Variants in CAPN5 observed in about 807,000 individuals in gnomAD.
The protein encoded by CAPN5 is calpain 5.
A neutral mutation model predicts 73.0 loss-of-function variants in CAPN5; 54 were observed. That is an observed-to-expected ratio of 0.74 (90% CI 0.59 to 0.93). The LOEUF (loss-of-function observed/expected upper bound fraction) is 0.93, where lower values mean the gene tolerates loss of function less well. CAPN5 is among the 40% of genes least tolerant of loss of function. The pLI is 0.00. For synonymous variants in CAPN5, 335 were observed against 356.9 expected, an observed-to-expected ratio of 0.94 and a Z score of 0.69; for missense variants, 785 against 882.9, an observed-to-expected ratio of 0.89 and a Z score of 1.41.
intron 3 of CAPN5, among the ~76,000 whole-genome samples, chr11:77,110,647 G>A (rs1482117765): frequency 6.6e-6 from 1 of 152,222 alleles, no homozygotes; most frequent in African/African-American, 2.4e-5. Context: ...AGTGTGAGCA[G>A]CCTGGCCCTG....
Position 77,126,085 on chromosome 11 carries a change from C to G in CAPN5, c.*2215C>G, listed in dbSNP as rs782161613. On this transcript the variant is annotated 3_prime_UTR_variant, in exon 13 of 13. Transcript: ENST00000648180. ...ACCCAGACCTAGGCTTCCCTCTTCT[C>G]AGGATCCACCACAGGGTTAGGGGAC... is the stretch of plus-strand genomic sequence containing the variant. 1.3e-5 allele frequency: 2 copies of G among 152,240 alleles called. No individual in the cohort carries two copies. Among genetic ancestry groups the G allele is most frequent in the Non-Finnish European group, 2.9e-5 (2 of 68,036 alleles). The allele number at this position is 152,240 out of a possible 1,614,324, so 9.4% of individuals were successfully genotyped here.
At chr11:77,087,810 T>A in intron 2 of CAPN5, 1 of 1,243,428 alleles carries the variant, frequency 8.0e-7, no homozygotes, top group Admixed American at 2.4e-5. Context: ...AGAGCCACCT[T>A]GGTTGGGACA....
intron 3 of CAPN5, among the ~76,000 whole-genome samples, chr11:77,100,413 G>A (rs1023019296): frequency 7.2e-6 from 1 of 138,310 alleles, no homozygotes. Flanking sequence ...GGCTCCCACC[G>A]CTCGTCCCTC....
chr11:77,102,111 G>T (rs1467067198), intron 3 of CAPN5, among the ~76,000 whole-genome samples: 3 of 152,204 alleles, frequency 2.0e-5, no homozygotes, highest in Non-Finnish European at 4.4e-5. Context: ...CAGGAGTTCT[G>T]GGAGGGGGTC....
Position 77,126,145 on chromosome 11 carries a change from A to G in CAPN5, c.*2275A>G, listed in dbSNP as rs1950575344. ...GTTCTATTCTCAATAAATCTTACAA[A>G]ATTCCAAAAAGACTTTCCTGTGTCC... On this transcript the variant is annotated 3_prime_UTR_variant, in exon 13 of 13. Coordinates refer to ENST00000648180, the MANE Select transcript of CAPN5 (RefSeq NM_004055.5). 6.6e-6 allele frequency: 1 copy of G among 152,132 alleles called. No individual in the cohort carries two copies. The highest frequency in any genetic ancestry group is 2.1e-4 in the South Asian group (1 of 4,824). The allele number at this position is 152,132 out of a possible 1,614,324, so 9.4% of individuals were successfully genotyped here.
Position 77,123,920 on chromosome 11 carries a change from C to T in CAPN5, c.*50C>T, listed in dbSNP as rs782669676. On this transcript the variant is annotated 3_prime_UTR_variant, in exon 13 of 13. Transcript: ENST00000648180. ...ACCGTTCCCACCACCATCTGCATGT[C>T]CCCACTGGGCCTGAGTCTAGCCTGG... is the stretch of plus-strand genomic sequence containing the variant. The T allele has an allele frequency of 6.4e-6, 10 of 1,551,758 alleles. No homozygotes were observed. The African/African-American group carries it at 1.4e-4, about 21-fold the overall frequency.
At chr11:77,097,296 T>C (rs1207882923) in intron 3 of CAPN5, among the ~76,000 whole-genome samples, 1 of 152,036 alleles carries the variant, frequency 6.6e-6, no homozygotes, top group African/African-American at 2.4e-5. Context: ...TCTTTAGTTA[T>C]CAAGCAGTTC....
At chr11:77,119,851 G>A (rs1318397052) in intron 9 of CAPN5, 1 of 152,514 alleles carries the variant, frequency 6.6e-6, no homozygotes, top group Non-Finnish European at 1.5e-5. Flanking sequence ...ACATATTGTT[G>A]TGACTTTGCC....
chr11:77,109,356 G>A (rs1391355255), intron 3 of CAPN5, among the ~76,000 whole-genome samples: 1 of 152,010 alleles, frequency 6.6e-6, no homozygotes, highest in African/African-American at 2.4e-5. Context: ...ACAGAGACAG[G>A]ATAAATTTCC....
At chr11:77,093,311 G>C (rs1950169906) in intron 2 of CAPN5, among the ~76,000 whole-genome samples, 1 of 152,234 alleles carries the variant, frequency 6.6e-6, no homozygotes, top group Non-Finnish European at 1.5e-5. Context: ...GGCTGCTGGT[G>C]CTAGAGAAGG....
At position 77,115,625 on chromosome 11, in the gene CAPN5, G is replaced by T. The variant is rs539126630; in HGVS notation, c.893+37G>T. On this transcript the variant is annotated intron_variant, in intron 6 of 12. Transcript: ENST00000648180. ...GGATGGGGGTGCAGGCACAGGGCAT[G>T]AGGGCTTGGACAAGGACGGGTGGGC... is the stretch of plus-strand genomic sequence containing the variant. 41 of 1,564,972 alleles carry T rather than the reference G, an allele frequency of 2.6e-5. No homozygotes were observed. The East Asian group carries it at 8.4e-4, about 32-fold the overall frequency.
At chr11:77,120,078 T>C (rs1405075543) in intron 9 of CAPN5, 3 of 152,260 alleles carry the variant, frequency 2.0e-5, no homozygotes, top group Non-Finnish European at 4.4e-5. Flanking sequence ...CAGAGGGTCT[T>C]GCTCTGTAAC....
At chr11:77,116,494 A>G (rs1233776196) in intron 7 of CAPN5, among the ~76,000 whole-genome samples, 191 bp downstream of exon 7, 1 of 152,192 alleles carries the variant, frequency 6.6e-6, no homozygotes, top group Non-Finnish European at 1.5e-5. Flanking sequence ...GGGCAGTACC[A>G]GGCCCTTTCA....
intron 1 of CAPN5, among the ~76,000 whole-genome samples, chr11:77,082,510 T>C (rs1950037961): frequency 6.6e-6 from 1 of 151,998 alleles, no homozygotes; most frequent in African/African-American, 2.4e-5. Flanking sequence ...ATAGATACAG[T>C]GGGAGGTGAC....
rs782653010 is a variant in CAPN5, at chr11:77,122,650, C to G, written c.1678C>G (p.Pro560Ala). 1 of 1,613,906 alleles carries G rather than the reference C, an allele frequency of 6.2e-7. No homozygotes were observed. Among genetic ancestry groups the G allele is most frequent in the East Asian group, 2.2e-5 (1 of 44,874 alleles). ...GGCTGTGCAGAAGGGCACCTCCACACCAGAGTACAATGTGAAAGGCATCTT... is the reference window on the plus strand; with the variant it reads ...GGCTGTGCAGAAGGGCACCTCCACAGCAGAGTACAATGTGAAAGGCATCTT... The part of the protein sequence containing the change: ...RSAVQKGTST[P>A]EYNVKGIFYR... Residue 560 changes from proline to alanine, a missense_variant, in exon 12 of 13, where the codon CCA becomes GCA. Coordinates refer to ENST00000648180, the MANE Select transcript of CAPN5 (RefSeq NM_004055.5).
rs782493999 is a variant in CAPN5, at chr11:77,119,046, A to G, written c.1184A>G (p.Lys395Arg). 48 of 1,613,758 alleles carry G rather than the reference A, an allele frequency of 3.0e-5. No individual in the cohort carries two copies. In the South Asian group the frequency reaches 4.3e-4, roughly 14 times the overall value. The change falls in exon 9 of 13, where the codon AAG becomes AGG. Residue 395 changes from lysine to arginine, a missense_variant. Transcript: ENST00000648180. ...FQNPQYIFEV[K>R]KPEDEVLICI... Reference sequence around the variant, plus strand: ...CACCTGCAGTACATCTTCGAAGTCAAGAAGCCAGAAGATGAAGTCCTGATC... The same window carrying G: ...CACCTGCAGTACATCTTCGAAGTCAGGAAGCCAGAAGATGAAGTCCTGATC...
intron 1 of CAPN5, among the ~76,000 whole-genome samples, chr11:77,074,616 C>A (rs1591108934): frequency 6.6e-6 from 1 of 152,204 alleles, no homozygotes; most frequent in African/African-American, 2.4e-5. Context: ...TTCAGCCCTC[C>A]CCTGTTCATA....
rs143154687 is a variant in CAPN5, at chr11:77,124,655, C to T, written c.*785C>T. On this transcript the variant is annotated 3_prime_UTR_variant, in exon 13 of 13. Transcript: ENST00000648180. ...CAGTGGGGGTGAGGAAGGGCATCTTCCTGACTCCTCTGCCCAGTGCTGGAA... is the reference window on the plus strand; with the variant it reads ...CAGTGGGGGTGAGGAAGGGCATCTTTCTGACTCCTCTGCCCAGTGCTGGAA... 1.3e-5 allele frequency: 2 copies of T among 152,458 alleles called. No individual in the cohort carries two copies. The highest frequency in any genetic ancestry group is 2.9e-5 in the Non-Finnish European group (2 of 68,116). The allele number at this position is 152,458 out of a possible 1,614,324, so 9.4% of individuals were successfully genotyped here.
Position 77,114,264 on chromosome 11 carries a change from C to T in CAPN5, c.529C>T (p.Leu177=), listed in dbSNP as rs1555041262. 10 of 1,614,136 alleles carry T rather than the reference C, an allele frequency of 6.2e-6. No individual in the cohort carries two copies. Among genetic ancestry groups the T allele is most frequent in the Non-Finnish European group, 8.5e-6 (10 of 1,180,010 alleles). Residue 177 remains leucine (L), a synonymous_variant, in exon 5 of 13, where the codon CTG becomes TTG. Transcript: ENST00000648180. ...CAGACTGGCAGGCTGTTACCAGGCC[C>T]TGGATGGAGGCAACACAGCAGACGC... The part of the protein sequence containing the change: ...YAKLAGCYQA[L]DGGNTADALV...
Sources: gnomAD v4.1 joint callset for allele counts (sites outside exome capture counted in the v4.1 genomes callset) on GRCh38, gnomAD v4.1.1 for gene constraint, MANE v1.5 for transcripts, NCBI Gene and HGNC (gene_info 2026-07-23, HGNC 2026-07-21) for gene names.